The following TMEM232 variants were observed in gnomAD, a reference collection of about 807,000 sequenced individuals.
The protein encoded by TMEM232 is transmembrane protein 232.
Under a neutral mutation model 78.8 loss-of-function variants are expected in TMEM232, and 80 were observed. The observed-to-expected ratio is 1.01, with a 90% CI of 0.85 to 1.22. The LOEUF (loss-of-function observed/expected upper bound fraction) is 1.22, where lower values mean the gene tolerates loss of function less well. Among genes scored for constraint, TMEM232 ranks in the 50% most tolerant of loss-of-function variants. TMEM232 has a pLI of 0.00. For synonymous variants in TMEM232, 297 were observed against 254.3 expected, an observed-to-expected ratio of 1.17 and a Z score of -1.60; for missense variants, 881 against 742.2, an observed-to-expected ratio of 1.19 and a Z score of -2.17.
intron 12 of TMEM232, among the ~76,000 whole-genome samples, chr5:110,466,819 A>T (rs1203836057): frequency 6.6e-6 from 1 of 151,672 alleles, no homozygotes; most frequent in Admixed American, 6.6e-5. Context: ...GTTTCGCTGT[A>T]TTAGCCAGGA....
chr5:110,430,356 CTT>C (rs534310383), intron 12 of TMEM232, among the ~76,000 whole-genome samples: 4 of 143,766 alleles, frequency 2.8e-5, no homozygotes, highest in Admixed American at 7.0e-5. Context: ...TAGACGTTTC[CTT>C]TTTTTTTTTG....
chr5:110,653,043 T>A (rs1788554095), intron 2 of TMEM232, among the ~76,000 whole-genome samples: 1 of 152,150 alleles, frequency 6.6e-6, no homozygotes. Context: ...TGACAATTCA[T>A]TTGTTCAATA....
chr5:110,648,804 T>G (rs143210812), intron 2 of TMEM232, among the ~76,000 whole-genome samples: 1 of 152,252 alleles, frequency 6.6e-6, no homozygotes, highest in African/African-American at 2.4e-5. Flanking sequence ...CAGGACTTTT[T>G]AAGTCATTGA....
At chr5:110,432,978 T>G (rs933796541) in intron 12 of TMEM232, among the ~76,000 whole-genome samples, 7 of 151,786 alleles carry the variant, frequency 4.6e-5, no homozygotes, top group African/African-American at 1.7e-4. Flanking sequence ...GCACCCGGCT[T>G]TATAAAACAC....
chr5:110,589,568 C>G (rs780082334), intron 10 of TMEM232, among the ~76,000 whole-genome samples: 2 of 152,038 alleles, frequency 1.3e-5, no homozygotes, highest in Non-Finnish European at 2.9e-5. Context: ...AATGAGAATG[C>G]CTTCATTCAG....
At chr5:110,662,706 A>G (rs959614022) in intron 2 of TMEM232, among the ~76,000 whole-genome samples, 4 of 152,156 alleles carry the variant, frequency 2.6e-5, no homozygotes, top group Middle Eastern at 3.2e-3. Context: ...CATGAGTTAT[A>G]CAATAACTGT....
chr5:110,641,990 A>T (rs536853076), intron 3 of TMEM232, among the ~76,000 whole-genome samples: 1,523 of 152,248 alleles, frequency 0.01, 34 homozygotes, highest in African/African-American at 0.034. Context: ...TTTTTAAAAA[A>T]ATATAATTTT....
At chr5:110,574,348 A>T (rs1378664591) in intron 10 of TMEM232, among the ~76,000 whole-genome samples, 1 of 152,128 alleles carries the variant, frequency 6.6e-6, no homozygotes, top group Non-Finnish European at 1.5e-5. Flanking sequence ...AAGCAAAGTG[A>T]TGATAGTTTG....
intron 4 of TMEM232, among the ~76,000 whole-genome samples, chr5:110,640,347 A>G (rs1241118698): frequency 6.6e-6 from 1 of 152,188 alleles, no homozygotes; most frequent in African/African-American, 2.4e-5. Context: ...AAAGGCATAT[A>G]TATACAATTA....
At chr5:110,463,058 T>TC (rs996751157) in intron 12 of TMEM232, among the ~76,000 whole-genome samples, 20 of 152,272 alleles carry the variant, frequency 1.3e-4, no homozygotes, top group Admixed American at 1.1e-3. Flanking sequence ...GAGGATTGAC[T>TC]CCATTTTTGA....
chr5:110,595,350 A>T (rs929289330), intron 10 of TMEM232, among the ~76,000 whole-genome samples: 2 of 152,170 alleles, frequency 1.3e-5, no homozygotes, highest in Non-Finnish European at 2.9e-5. Context: ...AATTCTAAAA[A>T]CCAGAATGCC....
intron 12 of TMEM232, among the ~76,000 whole-genome samples, chr5:110,454,745 C>A (rs1317648751): frequency 2.0e-5 from 3 of 150,440 alleles, no homozygotes; most frequent in East Asian, 2.0e-4. Context: ...AGAAAAAAAA[C>A]CTCTTGAATC....
At chr5:110,632,998 T>C (rs1267027732) in intron 5 of TMEM232, among the ~76,000 whole-genome samples, 2 of 152,056 alleles carry the variant, frequency 1.3e-5, no homozygotes, top group African/African-American at 2.4e-5. Context: ...AAAAATCATC[T>C]AGTCAGCCTT....
intron 5 of TMEM232, among the ~76,000 whole-genome samples, chr5:110,631,705 C>A (rs1785154623): frequency 6.6e-6 from 1 of 152,158 alleles, no homozygotes; most frequent in Non-Finnish European, 1.5e-5. Context: ...TACAGTGCTG[C>A]TACAACTGAG....
chr5:110,642,456 A>G (rs1786870800), intron 2 of TMEM232, 85 bp from the exon 3 acceptor site: 1 of 903,790 alleles, frequency 1.1e-6, no homozygotes, highest in Admixed American at 3.5e-5. Flanking sequence ...GTGGCTATGT[A>G]TAACTATATT....
intron 12 of TMEM232, among the ~76,000 whole-genome samples, chr5:110,524,355 GAAAGAAAAAA>G (rs1770100497): frequency 1.0e-5 from 1 of 95,448 alleles, no homozygotes; most frequent in South Asian, 3.4e-4. Context: ...GAGAAAGAAA[GAAAGAAAAAA>G]AGAAAGAAAG....
chr5:110,521,344 C>T (rs1265706746), intron 12 of TMEM232, among the ~76,000 whole-genome samples: 2 of 152,026 alleles, frequency 1.3e-5, no homozygotes, highest in African/African-American at 4.8e-5. Flanking sequence ...TGAAGGAATT[C>T]CTTATATATT....
chr5:110,706,931 C>A (rs1408072797), intron 1 of TMEM232, among the ~76,000 whole-genome samples: 1 of 152,110 alleles, frequency 6.6e-6, no homozygotes, highest in East Asian at 1.9e-4. Flanking sequence ...CCAATTTGAT[C>A]CCCTAAATGC....
At chr5:110,669,573 T>C (rs142370975) in intron 1 of TMEM232, among the ~76,000 whole-genome samples, 2,044 of 152,282 alleles carry the variant, frequency 0.013, 43 homozygotes, top group African/African-American at 0.046. Context: ...CTAGTACCAT[T>C]CCTTCTGAAA....
Sources: allele counts gnomAD v4.1 joint callset (sites outside exome capture counted in the v4.1 genomes callset), GRCh38; gene constraint gnomAD v4.1.1; transcripts MANE v1.5; gene names NCBI Gene and HGNC (gene_info 2026-07-23, HGNC 2026-07-21).